Variants in CTNNA1 observed in about 807,000 individuals in gnomAD.
CTNNA1 encodes catenin alpha 1, also known as catenin alpha-1.
In CTNNA1, 37 loss-of-function variants were observed where a neutral mutation model predicts 98.4. The ratio of observed to expected loss-of-function variants is 0.38; its 90% CI spans 0.29 to 0.49. The LOEUF (loss-of-function observed/expected upper bound fraction) is 0.49. Ranked by LOEUF, CTNNA1 falls within the 20% of genes least tolerant of loss-of-function variation. The pLI, the probability that CTNNA1 is intolerant of heterozygous loss-of-function variation, is 0.95. For missense variants in CTNNA1, 761 were observed against 1,147.2 expected (o/e 0.66, Z 4.86); for synonymous variants, 404 against 413.2 (o/e 0.98, Z 0.27).
intron 10 of CTNNA1, among the ~76,000 whole-genome samples, chr5:138,916,167 T>G (rs1761694070): frequency 9.7e-6 from 1 of 103,064 alleles, no homozygotes; most frequent in Non-Finnish European, 1.9e-5. Context: ...AGAAAGCAAA[T>G]TAGTGGTTGC....
rs60260246 is a variant in CTNNA1 at position 138,755,845 on chromosome 5, C to CTTTTTT, written c.-3+2365_-3+2370dup. On this transcript the variant is annotated intron_variant, in intron 1 of 17. Coordinates refer to ENST00000302763, the MANE Select transcript of CTNNA1 (RefSeq NM_001903.5). The stretch of plus-strand genomic sequence containing the variant: ...CCTGCCCGGGTTTTGGGATTTCCTT[C>CTTTTTT]TTTTTTTTTTTTTTTTTTTTTTTTT... Among the ~76,000 whole-genome samples the CTTTTTT allele has an allele frequency of 3.7e-3, 218 of 58,456 alleles. 6 individuals are homozygous for CTTTTTT. The highest frequency in any genetic ancestry group is 0.015 in the Middle Eastern group (1 of 68). The allele number at this position is 58,456 out of a possible 152,430, so 38.3% of individuals were successfully genotyped here.
chr5:138,846,350 T>G (rs776470754), intron 7 of CTNNA1, among the ~76,000 whole-genome samples: 7 of 152,238 alleles, frequency 4.6e-5, no homozygotes, highest in Non-Finnish European at 1.0e-4. Context: ...AACATTAAAT[T>G]GTACACTATC....
intron 7 of CTNNA1, among the ~76,000 whole-genome samples, chr5:138,885,288 A>G (rs1308396351): frequency 1.3e-5 from 2 of 152,198 alleles, no homozygotes; most frequent in Admixed American, 1.3e-4. Flanking sequence ...AGGGAGAACA[A>G]TGGGCTAAAT....
At chr5:138,769,869 G>A (rs931067664) in intron 1 of CTNNA1, among the ~76,000 whole-genome samples, 6 of 151,194 alleles carry the variant, frequency 4.0e-5, no homozygotes, top group African/African-American at 1.2e-4. Flanking sequence ...TTATTGAGAC[G>A]GAGTTTCGGT....
In CTNNA1 at chr5:138,931,055, T is replaced by C. The variant is rs932138927; in HGVS notation, c.2298+120T>C. On this transcript the variant is annotated intron_variant, in intron 16 of 17. Transcript: ENST00000302763. ...CACTTTTGCCACTCATCTCTAAAAA[T>C]GGTTCTTATTAATCCCAGCATAGAT... is the stretch of plus-strand genomic sequence containing the variant. The C allele has an allele frequency of 1.6e-5, 11 of 670,740 alleles. No individual in the cohort carries two copies. In the Admixed American group the frequency reaches 2.6e-4, roughly 16 times the overall value. 41.5% of individuals were successfully genotyped at this position (670,740 alleles called of 1,614,324 possible). A position where few individuals can be genotyped will look rare whatever the true frequency, so the allele number is the denominator to read the frequency against.
intron 7 of CTNNA1, among the ~76,000 whole-genome samples, chr5:138,843,750 C>T (rs1762465086): frequency 6.6e-6 from 1 of 152,178 alleles, no homozygotes; most frequent in Non-Finnish European, 1.5e-5. Flanking sequence ...ATGGGATAGC[C>T]AGCTAAGAGG....
In CTNNA1 at chr5:138,870,331, A is replaced by T. The variant is rs1264421839; in HGVS notation, c.1063-15881A>T. The T allele has an allele frequency of 2.6e-5, 4 of 152,258 alleles. No homozygotes were observed. The South Asian group carries it at 6.2e-4, about 24-fold the overall frequency. 9.4% of individuals were successfully genotyped at this position (152,258 alleles called of 1,614,324 possible). A position where few individuals can be genotyped will look rare whatever the true frequency, so the allele number is the denominator to read the frequency against. ...AAATCTTGCCTTCTACAGGCAATTA[A>T]AAAGGGAGGTTTTTGCTTTTAAATG... On this transcript the variant is annotated intron_variant, in intron 7 of 17. Transcript: ENST00000302763.
At position 138,873,211 on chromosome 5, in the gene CTNNA1, G is replaced by C; in HGVS notation, c.1063-13001G>C. 6.2e-7 allele frequency: 1 copy of C among 1,613,844 alleles called. No individual in the cohort carries two copies. The highest frequency in any genetic ancestry group is 8.5e-7 in the Non-Finnish European group (1 of 1,179,822). On this transcript the variant is annotated intron_variant, in intron 7 of 17. Transcript: ENST00000302763. This position sits in a 1 kb window ranked among gnomAD's most constrained non-coding sequence, Gnocchi z 6.1. ...AGCACTGCCTAATTCTTCTTAAAGT[G>C]GGAGGGCAGCACTTCCTGGAGATGA...
intron 10 of CTNNA1, among the ~76,000 whole-genome samples, chr5:138,907,247 C>T (rs1014626240): frequency 6.6e-6 from 1 of 152,194 alleles, no homozygotes; most frequent in African/African-American, 2.4e-5. Flanking sequence ...GTCTTGAACT[C>T]CTGGCCTCAA....
chr5:138,765,791 A>G (rs945516555), intron 1 of CTNNA1, among the ~76,000 whole-genome samples: 8 of 151,764 alleles, frequency 5.3e-5, no homozygotes, highest in Non-Finnish European at 8.8e-5. Flanking sequence ...TCTACTAAAA[A>G]TATAAAAATT....
chr5:138,822,929 C>G (rs1246812080), intron 5 of CTNNA1, among the ~76,000 whole-genome samples: 1 of 152,146 alleles, frequency 6.6e-6, no homozygotes. Flanking sequence ...AAAGATGAAC[C>G]ACTAAATAGC....
At chr5:138,916,156 T>G (rs964987678) in intron 10 of CTNNA1, among the ~76,000 whole-genome samples, 1 of 111,138 alleles carries the variant, frequency 9.0e-6, no homozygotes, top group African/African-American at 4.0e-5. Flanking sequence ...TCCATAGAGA[T>G]AGAAAGCAAA....
At chr5:138,814,759 T>A (rs1238115072) in intron 5 of CTNNA1, among the ~76,000 whole-genome samples, 4 of 151,334 alleles carry the variant, frequency 2.6e-5, no homozygotes, top group Non-Finnish European at 5.9e-5. Flanking sequence ...TGGGTTTTTT[T>A]TTGTTTTTTT....
intron 10 of CTNNA1, among the ~76,000 whole-genome samples, chr5:138,912,261 A>T (rs529594067): frequency 6.6e-6 from 1 of 152,292 alleles, no homozygotes; most frequent in African/African-American, 2.4e-5. Flanking sequence ...AAGTGAAAGA[A>T]AAAAAAGCGG....
At chr5:138,925,790 G>A (rs1763880832) in intron 13 of CTNNA1, among the ~76,000 whole-genome samples, 1 of 152,218 alleles carries the variant, frequency 6.6e-6, no homozygotes, top group African/African-American at 2.4e-5. Context: ...CCTCTCTTCG[G>A]AGGGGCTGCA....
chr5:138,786,677 A>G (rs1301583184), intron 3 of CTNNA1, among the ~76,000 whole-genome samples: 1 of 152,192 alleles, frequency 6.6e-6, no homozygotes, highest in Non-Finnish European at 1.5e-5. Context: ...GAGTGCACTC[A>G]GGAGGTCCTG....
Position 138,932,623 on chromosome 5 carries a change from C to T in CTNNA1, c.2344C>T (p.Arg782Cys), listed in dbSNP as rs760684787. 46 of 1,614,018 alleles carry T rather than the reference C, an allele frequency of 2.9e-5. No homozygotes were observed. In the East Asian group the frequency reaches 3.1e-4, roughly 11 times the overall value. ...CKQDLLAYLQ[R>C]IALYCHQLNI... Reference sequence around the variant, plus strand: ...GCAGGACCTGCTGGCCTACCTGCAACGCATCGCCCTCTACTGCCACCAGCT... The same window carrying T: ...GCAGGACCTGCTGGCCTACCTGCAATGCATCGCCCTCTACTGCCACCAGCT... The change falls in exon 17 of 18, where the codon CGC becomes TGC. Residue 782 changes from arginine to cysteine, a missense_variant. Arg to Cys is a radical substitution (Grantham distance 180). Around this residue, in one of 6 missense-constraint regions of CTNNA1, gnomAD observed 77 missense variants for 198.8 expected, o/e 0.39. Coordinates refer to ENST00000302763, the MANE Select transcript of CTNNA1 (RefSeq NM_001903.5).
At chr5:138,795,442 C>T (rs28538085) in intron 3 of CTNNA1, among the ~76,000 whole-genome samples, 3,476 of 151,348 alleles carry the variant, frequency 0.023, 135 homozygotes, top group African/African-American at 0.081. Context: ...TGGGCGACAG[C>T]GAGACTCTGT....
At chr5:138,816,280 T>G (rs1759426910) in intron 5 of CTNNA1, among the ~76,000 whole-genome samples, 1 of 152,258 alleles carries the variant, frequency 6.6e-6, no homozygotes, top group African/African-American at 2.4e-5. Context: ...TTTTGTCTGT[T>G]GATGGACACT....
Sources: allele counts gnomAD v4.1 joint callset (sites outside exome capture counted in the v4.1 genomes callset), GRCh38; gene constraint gnomAD v4.1.1; regional missense constraint gnomAD v4.1.1; non-coding constraint Gnocchi (gnomAD v3.1); transcripts MANE v1.5; gene names NCBI Gene and HGNC (gene_info 2026-07-23, HGNC 2026-07-21).